Variants in CCDC186 observed in about 807,000 individuals in gnomAD.
The protein encoded by CCDC186 is coiled-coil domain containing 186.
A neutral mutation model predicts 113.7 loss-of-function variants in CCDC186; 49 were observed. That is an observed-to-expected ratio of 0.43 (90% CI 0.34 to 0.55). The LOEUF is 0.55. Ranked by LOEUF, CCDC186 falls within the 20% of genes least tolerant of loss-of-function variation. CCDC186 has a pLI of 0.02. For missense variants in CCDC186, 890 were observed against 1,011.1 expected (o/e 0.88, Z 1.62); for synonymous variants, 355 against 345.8 (o/e 1.03, Z -0.30).
At chr10:114,152,376 CA>C (rs1205975648) in intron 3 of CCDC186, among the ~76,000 whole-genome samples, 1 of 150,700 alleles carries the variant, frequency 6.6e-6, no homozygotes, top group Non-Finnish European at 1.5e-5. Flanking sequence ...ATTCACTTGT[CA>C]GGGGCAGACA....
chr10:114,167,580 C>T (rs560265266), intron 1 of CCDC186, among the ~76,000 whole-genome samples: 32 of 151,866 alleles, frequency 2.1e-4, no homozygotes, highest in African/African-American at 7.5e-4. Context: ...AAAAGGGGAG[C>T]CGTCATCGAG....
chr10:114,130,989 T>C, intron 12 of CCDC186, 158 bp downstream of exon 12: 1 of 505,552 alleles, frequency 2.0e-6, no homozygotes, highest in Non-Finnish European at 3.3e-6. Flanking sequence ...GGATAAAAGA[T>C]CGGTCATGAA....
chr10:114,132,237 A>ATGTCTT, intron 10 of CCDC186, 53 bp from the exon 11 acceptor site: 1 of 1,297,840 alleles, frequency 7.7e-7, no homozygotes, highest in Non-Finnish European at 1.0e-6. Flanking sequence ...AAGACATTAA[A>ATGTCTT]TTAATGGTTT....
At position 114,123,558 on chromosome 10, in the gene CCDC186, G is replaced by C. The variant is rs2030795478; in HGVS notation, c.*1585C>G. 2 of 152,122 alleles carry C rather than the reference G, an allele frequency of 1.3e-5. 1 individual carries two copies. The highest frequency in any genetic ancestry group is 2.9e-5 in the Non-Finnish European group (2 of 68,026). The allele number at this position is 152,122 out of a possible 1,614,324, so 9.4% of individuals were successfully genotyped here. On this transcript the variant is annotated 3_prime_UTR_variant, in exon 16 of 16. Transcript: ENST00000369287. Reference sequence around the variant, plus strand: ...CTTAATTCCCTTAATGGGAGAAAAAGGGATGCAAAAATCCAAACCAAACAA... The same window carrying C: ...CTTAATTCCCTTAATGGGAGAAAAACGGATGCAAAAATCCAAACCAAACAA...
chr10:114,155,655 A>C (rs958779727), intron 3 of CCDC186, among the ~76,000 whole-genome samples: 19 of 152,342 alleles, frequency 1.2e-4, no homozygotes, highest in South Asian at 4.1e-4. Flanking sequence ...AGCCTGGGCA[A>C]CAAGAGCGAA....
chr10:114,146,902 C>T (rs1322355142), intron 4 of CCDC186, among the ~76,000 whole-genome samples: 5 of 152,184 alleles, frequency 3.3e-5, no homozygotes, highest in Non-Finnish European at 5.9e-5. Flanking sequence ...TGCTGATAAG[C>T]ACATCTAGTC....
chr10:114,162,941 C>T lies in CCDC186; in HGVS notation c.328G>A (p.Glu110Lys). The T allele has an allele frequency of 6.2e-7, 1 of 1,613,128 alleles. No individual in the cohort carries two copies. The highest frequency in any genetic ancestry group is 8.5e-7 in the Non-Finnish European group (1 of 1,179,734). Reference protein sequence around the residue: ...NFAKHISKTNETEQKVTQILV... With the variant: ...NFAKHISKTNKTEQKVTQILV... ...ATTTGTGTTACTTTCTGTTCTGTTT[C>T]ATTTGTTTTTGAAATATGTTTAGCA... The change falls in exon 2 of 16, where the codon GAA (glutamate) becomes AAA (lysine). Residue 110 changes from glutamate to lysine, a missense_variant. Physicochemically the swap from Glu to Lys is moderately conservative, Grantham distance 56. Transcript: ENST00000369287.
Position 114,171,977 on chromosome 10 carries a change from A to G in CCDC186, c.-62+2038T>C, listed in dbSNP as rs112724390. Among the ~76,000 whole-genome samples, 234 of 152,346 alleles carry G rather than the reference A, an allele frequency of 1.5e-3. 2 individuals are homozygous for G. Among genetic ancestry groups the G allele is most frequent in the African/African-American group, 5.3e-3 (220 of 41,578 alleles). ...AGAAAGTTCAAAGCAGTTTGAAACAATAGATTAAATTATCTATGATCTCAC... is the reference window on the plus strand; with the variant it reads ...AGAAAGTTCAAAGCAGTTTGAAACAGTAGATTAAATTATCTATGATCTCAC... On this transcript the variant is annotated intron_variant, in intron 1 of 15. Coordinates refer to ENST00000369287, the MANE Select transcript of CCDC186 (RefSeq NM_018017.4).
At chr10:114,134,864 A>G in intron 10 of CCDC186, 49 bp downstream of exon 10, 4 of 1,546,144 alleles carry the variant, frequency 2.6e-6, no homozygotes, top group Non-Finnish European at 3.5e-6. Context: ...CTTGAAATAA[A>G]ATTTAAAAGC....
chr10:114,129,005 G>A (rs2031001195), intron 13 of CCDC186, among the ~76,000 whole-genome samples: 1 of 152,078 alleles, frequency 6.6e-6, no homozygotes, highest in Admixed American at 6.6e-5. Context: ...GCAGCAGCAG[G>A]CTAGAAAAAA....
rs1176082889 is a variant in CCDC186, at chr10:114,152,843, C to T, written c.760-1623G>A. Among the ~76,000 whole-genome samples, 3 of 151,944 alleles carry T rather than the reference C, an allele frequency of 2.0e-5. No individual in the cohort carries two copies. The East Asian group carries it at 5.8e-4, about 29-fold the overall frequency. On this transcript the variant is annotated intron_variant, in intron 3 of 15. Transcript: ENST00000369287. ...TCATAAGGAAGAGTGGCTATATTTA[C>T]ATAAAAAACAGACTAAAATTAAGAA...
chr10:114,137,912 T>C (rs1023997891), intron 6 of CCDC186, among the ~76,000 whole-genome samples: 1 of 151,944 alleles, frequency 6.6e-6, no homozygotes, highest in Non-Finnish European at 1.5e-5. Flanking sequence ...GGCGCATGCC[T>C]GTAACCTCAG....
chr10:114,127,951 G>C (rs1451727497), intron 13 of CCDC186, among the ~76,000 whole-genome samples: 2 of 152,128 alleles, frequency 1.3e-5, no homozygotes, highest in East Asian at 3.9e-4. Flanking sequence ...AACTATAACA[G>C]AACAAAGCAG....
At chr10:114,133,053 T>C (rs943339046) in intron 10 of CCDC186, among the ~76,000 whole-genome samples, 1 of 152,150 alleles carries the variant, frequency 6.6e-6, no homozygotes, top group Non-Finnish European at 1.5e-5. Flanking sequence ...GGGAAATCAA[T>C]GAAGAGTTTT....
intron 10 of CCDC186, among the ~76,000 whole-genome samples, chr10:114,132,386 G>C (rs1007497617): frequency 6.6e-6 from 1 of 152,140 alleles, no homozygotes; most frequent in Non-Finnish European, 1.5e-5. Flanking sequence ...TGCTTTCAAA[G>C]AGCTTTTAGT....
intron 2 of CCDC186, chr10:114,162,374 A>G: frequency 4.0e-6 from 1 of 250,830 alleles, no homozygotes. Context: ...CATTCTTTCA[A>G]AAGTGAAAAA....
intron 3 of CCDC186, among the ~76,000 whole-genome samples, chr10:114,157,342 T>C (rs2032039795): frequency 6.6e-6 from 1 of 151,268 alleles, no homozygotes; most frequent in Non-Finnish European, 1.5e-5. Flanking sequence ...TGCTACCATA[T>C]GCAGCTAATT....
intron 3 of CCDC186, among the ~76,000 whole-genome samples, chr10:114,153,786 CAAAA>C (rs35593370): frequency 3.3e-5 from 2 of 61,322 alleles, no homozygotes. Context: ...AATGACGTCT[CAAAA>C]AAAAAAAAAA....
intron 3 of CCDC186, among the ~76,000 whole-genome samples, chr10:114,152,906 C>T (rs1376797205): frequency 6.6e-6 from 1 of 152,094 alleles, no homozygotes; most frequent in Non-Finnish European, 1.5e-5. Flanking sequence ...AAAAATAAAA[C>T]AGATCAAGCC....
Sources: gnomAD v4.1 joint callset for allele counts (sites outside exome capture counted in the v4.1 genomes callset) on GRCh38, gnomAD v4.1.1 for gene constraint, MANE v1.5 for transcripts, NCBI Gene and HGNC (gene_info 2026-07-23, HGNC 2026-07-21) for gene names.